Variants in PIBF1 observed in about 807,000 individuals in gnomAD.
PIBF1 encodes the protein progesterone immunomodulatory binding factor 1, also known as progesterone-induced-blocking factor 1.
In PIBF1, 90 loss-of-function variants were observed where a neutral mutation model predicts 112.5. That is an observed-to-expected ratio of 0.80 (90% confidence interval 0.67 to 0.95). The LOEUF is 0.95. Ranked by LOEUF, PIBF1 falls within the 40% of genes least tolerant of loss-of-function variation. The pLI, the probability that PIBF1 is intolerant of heterozygous loss-of-function variation, is 0.00. For synonymous variants in PIBF1, 301 were observed against 288.6 expected, an observed-to-expected ratio of 1.04 and a Z score of -0.44; for missense variants, 915 against 852.3, an observed-to-expected ratio of 1.07 and a Z score of -0.92.
At chr13:72,860,838 T>G (rs1208600080) in intron 10 of PIBF1, among the ~76,000 whole-genome samples, 1 of 152,180 alleles carries the variant, frequency 6.6e-6, no homozygotes, top group Non-Finnish European at 1.5e-5. Flanking sequence ...AATAAAAGAC[T>G]CATGTATGTC....
intron 8 of PIBF1, among the ~76,000 whole-genome samples, chr13:72,834,621 T>C (rs898465005): frequency 6.6e-6 from 1 of 151,938 alleles, no homozygotes; most frequent in South Asian, 2.1e-4. Context: ...ATTATCTCTT[T>C]AAGAAAAAAA....
At chr13:72,968,243 T>TA (rs772958589) in intron 15 of PIBF1, among the ~76,000 whole-genome samples, 14 of 151,932 alleles carry the variant, frequency 9.2e-5, no homozygotes, top group Non-Finnish European at 1.6e-4. Context: ...GCTAGCCACA[T>TA]ATAGATGTTG....
chr13:72,917,562 A>G (rs1011418191), intron 13 of PIBF1, among the ~76,000 whole-genome samples: 1 of 152,086 alleles, frequency 6.6e-6, no homozygotes, highest in Non-Finnish European at 1.5e-5. Flanking sequence ...GTGATTTGGA[A>G]TTAATGCATA....
chr13:73,002,800 A>C (rs548186809), intron 17 of PIBF1, among the ~76,000 whole-genome samples: 1 of 152,142 alleles, frequency 6.6e-6, no homozygotes, highest in African/African-American at 2.4e-5. Context: ...CCTGGCCAAC[A>C]TACTGAAATC....
chr13:73,009,290 A>G (rs1338929489), intron 17 of PIBF1, among the ~76,000 whole-genome samples: 1 of 152,206 alleles, frequency 6.6e-6, no homozygotes, highest in East Asian at 1.9e-4. Context: ...AATGTTTTAT[A>G]CAGGGTGAAT....
intron 10 of PIBF1, among the ~76,000 whole-genome samples, chr13:72,859,077 T>A (rs148071104): frequency 7.2e-5 from 11 of 152,312 alleles, no homozygotes; most frequent in African/African-American, 2.6e-4. Flanking sequence ...AGACGTGATG[T>A]TTCTAACCAT....
At chr13:72,947,961 A>G (rs2042194139) in intron 14 of PIBF1, among the ~76,000 whole-genome samples, 2 of 152,134 alleles carry the variant, frequency 1.3e-5, no homozygotes, top group South Asian at 4.1e-4. Flanking sequence ...CATCATTCTC[A>G]GCAAACTAAC....
chr13:72,968,503 G>C (rs189063496), intron 15 of PIBF1, among the ~76,000 whole-genome samples: 1 of 151,732 alleles, frequency 6.6e-6, no homozygotes, highest in Non-Finnish European at 1.5e-5. Context: ...GTTTCACCCT[G>C]TTAGCCAGGG....
chr13:72,924,456 T>C (rs1033772951), intron 13 of PIBF1, among the ~76,000 whole-genome samples: 1 of 152,148 alleles, frequency 6.6e-6, no homozygotes, highest in Non-Finnish European at 1.5e-5. Context: ...TGCACATGTC[T>C]CACGCCTATA....
At chr13:72,794,452 A>G (rs1039842720) in intron 3 of PIBF1, among the ~76,000 whole-genome samples, 2 of 152,148 alleles carry the variant, frequency 1.3e-5, no homozygotes, top group Non-Finnish European at 2.9e-5. Flanking sequence ...ATAGTAGGGA[A>G]GGGGAAAATC....
intron 2 of PIBF1, among the ~76,000 whole-genome samples, chr13:72,786,223 A>G (rs1347376291): frequency 1.3e-5 from 2 of 152,102 alleles, no homozygotes; most frequent in Non-Finnish European, 2.9e-5. Context: ...CATGGTGCTT[A>G]GTGTAGTTTT....
chr13:72,824,140 A>G (rs1026418389), intron 6 of PIBF1, among the ~76,000 whole-genome samples: 1 of 151,746 alleles, frequency 6.6e-6, no homozygotes, highest in African/African-American at 2.4e-5. Flanking sequence ...CAGCCTCCCA[A>G]GTAGCTGGGA....
intron 14 of PIBF1, among the ~76,000 whole-genome samples, chr13:72,958,275 A>G (rs147184569): frequency 7.6e-6 from 1 of 132,372 alleles, no homozygotes; most frequent in African/African-American, 2.8e-5. Context: ...CCGCCACTGC[A>G]CTCCAACCTG....
intron 14 of PIBF1, among the ~76,000 whole-genome samples, chr13:72,950,748 G>A (rs556385649): frequency 6.6e-6 from 1 of 152,304 alleles, no homozygotes; most frequent in East Asian, 1.9e-4. Flanking sequence ...GGGATGATTA[G>A]TGAATAAGAC....
chr13:72,940,768 T>C (rs771906125), intron 14 of PIBF1, among the ~76,000 whole-genome samples: 21 of 152,182 alleles, frequency 1.4e-4, no homozygotes, highest in Admixed American at 2.6e-4. Flanking sequence ...CTTTGAGTAT[T>C]CCATGTCCTG....
chr13:72,825,194 A>C (rs764203220), intron 6 of PIBF1, among the ~76,000 whole-genome samples: 57 of 152,198 alleles, frequency 3.7e-4, no homozygotes, highest in Non-Finnish European at 2.1e-4. Context: ...AAAAAAATTC[A>C]CAAAGGGTGT....
Position 72,795,500 on chromosome 13 carries a change from A to G in PIBF1, c.495A>G (p.Gln165=), listed in dbSNP as rs753690261. Residue 165 remains glutamine (Q), a synonymous_variant, in exon 4 of 18, where the codon CAA becomes CAG. Transcript: ENST00000326291. ...NLRDFELTEE[Q]YIKLKAFPED... ...GTGACTTTGAGTTGACAGAAGAGCA[A>G]TATATTAAATTAAAAGCTTTTCCTG... 5 of 1,607,472 alleles carry G rather than the reference A, an allele frequency of 3.1e-6. No homozygotes were observed. Among genetic ancestry groups the G allele is most frequent in the African/African-American group, 1.3e-5 (1 of 74,554 alleles).
chr13:72,819,355 G>GTA (rs35099449), intron 5 of PIBF1, among the ~76,000 whole-genome samples: 40,341 of 151,882 alleles, frequency 0.27, 6,634 homozygotes, highest in East Asian at 0.47. Flanking sequence ...CTTTTCAGGA[G>GTA]TATGCTTCAT....
chr13:72,917,730 G>A (rs762784814), intron 13 of PIBF1, among the ~76,000 whole-genome samples: 12 of 152,046 alleles, frequency 7.9e-5, no homozygotes, highest in East Asian at 1.9e-4. Flanking sequence ...AAAAATATTC[G>A]CGAAAAGAAT....
Sources: allele counts gnomAD v4.1 joint callset (sites outside exome capture counted in the v4.1 genomes callset), GRCh38; gene constraint gnomAD v4.1.1; transcripts MANE v1.5; gene names NCBI Gene and HGNC (gene_info 2026-07-23, HGNC 2026-07-21).